PTCD1: variants seen among roughly 807,000 people sequenced by gnomAD.
The protein encoded by PTCD1 is pentatricopeptide repeat-containing protein 1, mitochondrial.
In PTCD1, 50 loss-of-function variants were observed where a neutral mutation model predicts 53.4. That is an observed-to-expected ratio of 0.94 (90% CI 0.75 to 1.19). The LOEUF (loss-of-function observed/expected upper bound fraction) is 1.19, where lower values mean the gene tolerates loss of function less well. Among genes scored for constraint, PTCD1 ranks in the 50% most tolerant of loss-of-function variants. The pLI is 0.00. For missense variants in PTCD1, 918 were observed against 904.8 expected (o/e 1.01, Z -0.19); for synonymous variants, 413 against 394.8 (o/e 1.05, Z -0.55).
intron 5 of PTCD1, among the ~76,000 whole-genome samples, chr7:99,427,781 G>C (rs1371357629): frequency 7.2e-5 from 11 of 151,902 alleles, no homozygotes; most frequent in African/African-American, 2.4e-4. Context: ...TCTGCCTTGG[G>C]ATCCTGTTGA....
intron 7 of PTCD1, among the ~76,000 whole-genome samples, chr7:99,421,101 G>A (rs1044960476): frequency 6.6e-6 from 1 of 152,124 alleles, no homozygotes; most frequent in African/African-American, 2.4e-5. Flanking sequence ...GAGTACAGAT[G>A]CTCCTGACAG....
At chr7:99,437,692 G>A (rs763950782) in intron 1 of PTCD1, among the ~76,000 whole-genome samples, 63 of 151,800 alleles carry the variant, frequency 4.2e-4, no homozygotes, top group Non-Finnish European at 8.4e-4. Context: ...GTTTTTTTGC[G>A]TCTCACTCTG....
intron 1 of PTCD1, among the ~76,000 whole-genome samples, chr7:99,436,538 G>A (rs1471979562): frequency 4.6e-5 from 7 of 152,078 alleles, no homozygotes; most frequent in Non-Finnish European, 7.4e-5. Flanking sequence ...TCACTTGAAC[G>A]TGGGAGGCAG....
rs772927771 is a variant in PTCD1, at chr7:99,419,385, T to C, written c.*582A>G. 6.2e-7 allele frequency: 1 copy of C among 1,613,042 alleles called. No individual in the cohort carries two copies. Among genetic ancestry groups the C allele is most frequent in the Non-Finnish European group, 8.5e-7 (1 of 1,179,972 alleles). ...GGCATCGTCTCACTGTCCTCCTCCG[T>C]TGCAGGGCCGCATCATCGAGTGCAC... is the stretch of plus-strand genomic sequence containing the variant. On this transcript the variant is annotated 3_prime_UTR_variant, in exon 8 of 8. Coordinates refer to ENST00000292478, the MANE Select transcript of PTCD1 (RefSeq NM_015545.4).
chr7:99,427,871 C>A (rs1347702563), intron 5 of PTCD1, among the ~76,000 whole-genome samples: 2 of 151,422 alleles, frequency 1.3e-5, no homozygotes, highest in Non-Finnish European at 2.9e-5. Flanking sequence ...AAGGGTGGTG[C>A]AAGATGTGCT....
At chr7:99,429,249 C>T (rs957495181) in intron 4 of PTCD1, 45 bp from the exon 5 acceptor site, 5 of 1,607,724 alleles carry the variant, frequency 3.1e-6, no homozygotes, top group African/African-American at 1.3e-5. Flanking sequence ...CTGCAGCAGG[C>T]TGGGCATGGT....
At chr7:99,431,815 A>G (rs1796264128) in intron 3 of PTCD1, among the ~76,000 whole-genome samples, 1 of 152,240 alleles carries the variant, frequency 6.6e-6, no homozygotes, top group Non-Finnish European at 1.5e-5. Flanking sequence ...AAGTAGACAC[A>G]AGAAACTCCA....
intron 3 of PTCD1, among the ~76,000 whole-genome samples, chr7:99,432,266 G>T (rs1462570972): frequency 1.3e-5 from 2 of 152,196 alleles, no homozygotes; most frequent in Non-Finnish European, 2.9e-5. Flanking sequence ...TCTGTCTCCT[G>T]CTCGTCCCTG....
chr7:99,436,789 T>C (rs955788208), intron 1 of PTCD1, among the ~76,000 whole-genome samples: 1 of 152,246 alleles, frequency 6.6e-6, no homozygotes, highest in African/African-American at 2.4e-5. Flanking sequence ...GTGAAACTAG[T>C]GCAGGGGGCC....
intron 5 of PTCD1, among the ~76,000 whole-genome samples, chr7:99,428,016 C>T (rs1796120513): frequency 1.3e-5 from 2 of 150,934 alleles, no homozygotes; most frequent in South Asian, 4.2e-4. Context: ...CCTTTGTTCA[C>T]TTGTTTATCT....
rs139216363 is a variant in PTCD1, at chr7:99,431,634, G to A, written c.594+1644C>T. 5.5e-3 allele frequency among the ~76,000 whole-genome samples: 844 copies of A among 152,158 alleles called. 6 individuals are homozygous for A. Among genetic ancestry groups the A allele is most frequent in the African/African-American group, 0.02 (811 of 41,530 alleles). ...TGTGCGCCTGTAGTCCCAGCTACTC[G>A]GGAGGCTGAGGTATGAGAACTGCTC... On this transcript the variant is annotated intron_variant, in intron 3 of 7. Transcript: ENST00000292478.
intron 1 of PTCD1, 179 bp downstream of exon 1, chr7:99,438,513 C>T: frequency 8.9e-7 from 1 of 1,119,916 alleles, no homozygotes; most frequent in Non-Finnish European, 1.1e-6. Context: ...ACCCGCCCCT[C>T]CTCAGAGGCC....
At position 99,420,028 on chromosome 7, in the gene PTCD1, G is replaced by C. The variant is rs1795727990; in HGVS notation, c.2042C>G (p.Pro681Arg). ...PHPWQKFRTK[P>R]QGDQDTGKEA... is the part of the protein sequence containing the mutation. ...CTTGCCGGTGTCCTGGTCCCCCTGG[G>C]GCTTGGTCCGGAACTTCTGCCAGGG... Residue 681 changes from proline (P) to arginine (R), a missense_variant, in exon 8 of 8, where the codon CCC (proline) becomes CGC (arginine). By Grantham distance (103) the Pro-to-Arg change is moderately radical (BLOSUM62 -2). Coordinates refer to ENST00000292478, the MANE Select transcript of PTCD1 (RefSeq NM_015545.4). The C allele has an allele frequency of 6.2e-7, 1 of 1,614,198 alleles. No individual in the cohort carries two copies. Among genetic ancestry groups the C allele is most frequent in the South Asian group, 1.1e-5 (1 of 91,084 alleles).
intron 3 of PTCD1, among the ~76,000 whole-genome samples, chr7:99,431,170 G>A (rs894040548): frequency 2.2e-4 from 34 of 151,886 alleles, no homozygotes; most frequent in African/African-American, 8.0e-4. Flanking sequence ...TCTGTCGCCA[G>A]GCTAGAGTGC....
chr7:99,438,480 T>A (rs1217484741), intron 1 of PTCD1: 17 of 1,082,304 alleles, frequency 1.6e-5, no homozygotes, highest in Non-Finnish European at 1.1e-6. Context: ...AGAGACACGC[T>A]GCGGCCGTCC....
At chr7:99,425,763 A>G in intron 5 of PTCD1, 147 bp from the exon 6 acceptor site, 1 of 1,135,022 alleles carries the variant, frequency 8.8e-7, no homozygotes. Context: ...GCAACATAGC[A>G]AGACCCTGCC....
At position 99,425,154 on chromosome 7, in the gene PTCD1, T is replaced by C. The variant is rs1584455976; in HGVS notation, c.1378A>G (p.Thr460Ala). 6.2e-7 allele frequency: 1 copy of C among 1,613,122 alleles called. No homozygotes were observed. Among genetic ancestry groups the C allele is most frequent in the Non-Finnish European group, 8.5e-7 (1 of 1,179,774 alleles). The change falls in exon 6 of 8, where the codon ACC becomes GCC. Residue 460 changes from threonine (T) to alanine (A), a missense_variant. By Grantham distance (58) the Thr-to-Ala change is moderately conservative (BLOSUM62 0). Transcript: ENST00000292478. The stretch of plus-strand genomic sequence containing the variant: ...ATCAAGGCCAGCCGGTCAGCTGGGG[T>C]GGTCACCGTTCCAAAGGAGACCACT... Reference protein sequence around the residue: ...PTVVSFGTVTTPADRLALIGG... With the variant: ...PTVVSFGTVTAPADRLALIGG...
rs778245602 is a variant in PTCD1, at chr7:99,417,632, C to G, written c.*2335G>C. The G allele has an allele frequency of 3.7e-6, 6 of 1,605,330 alleles. No individual in the cohort carries two copies. Among genetic ancestry groups the G allele is most frequent in the Non-Finnish European group, 5.1e-6 (6 of 1,179,710 alleles). ...CACTCAAGCTTGGTGTTGTTTTCAG[C>G]TCAAAATTCTGCCTTAGTCGACTGC... On this transcript the variant is annotated 3_prime_UTR_variant, in exon 8 of 8. Coordinates refer to ENST00000292478, the MANE Select transcript of PTCD1 (RefSeq NM_015545.4).
At chr7:99,426,632 C>T (rs1332186470) in intron 5 of PTCD1, among the ~76,000 whole-genome samples, 45 of 151,700 alleles carry the variant, frequency 3.0e-4, no homozygotes, top group Non-Finnish European at 5.9e-4. Context: ...TCTGCCTGGC[C>T]GCCCATCGTC....
Sources: gnomAD v4.1 joint callset for allele counts (sites outside exome capture counted in the v4.1 genomes callset) on GRCh38, gnomAD v4.1.1 for gene constraint, MANE v1.5 for transcripts, NCBI Gene and HGNC (gene_info 2026-07-23, HGNC 2026-07-21) for gene names.